Variants in CBLN2 observed in about 807,000 individuals in gnomAD.
CBLN2 encodes the protein cerebellin-2.
CBLN2 carries 7 observed loss-of-function variants against 15.0 expected under a neutral mutation model. That is an observed-to-expected ratio of 0.47 (90% CI 0.27 to 0.88). The LOEUF (loss-of-function observed/expected upper bound fraction) is 0.88, where lower values mean the gene tolerates loss of function less well. CBLN2 is among the 40% of genes least tolerant of loss of function. The pLI is 0.14. For missense variants in CBLN2, 242 were observed against 304.5 expected (o/e 0.79, Z 1.53); for synonymous variants, 149 against 135.2 (o/e 1.10, Z -0.71).
intron 1 of CBLN2, among the ~76,000 whole-genome samples, chr18:72,623,445 G>T (rs2069714306): frequency 1.3e-5 from 2 of 151,926 alleles, no homozygotes. Flanking sequence ...TCCTCCAAAT[G>T]ACCTTCTCCA....
At chr18:72,635,055 T>A (rs1335270820) in intron 1 of CBLN2, among the ~76,000 whole-genome samples, 1 of 152,134 alleles carries the variant, frequency 6.6e-6, no homozygotes, top group African/African-American at 2.4e-5. Flanking sequence ...GCAATGCCTT[T>A]ACTCATATTT....
chr18:72,579,104 A>G (rs1002252361), intron 1 of CBLN2, among the ~76,000 whole-genome samples: 1 of 152,188 alleles, frequency 6.6e-6, no homozygotes, highest in Non-Finnish European at 1.5e-5. Flanking sequence ...TTTGAGTAAG[A>G]GAAGCAAGAT....
intron 1 of CBLN2, among the ~76,000 whole-genome samples, chr18:72,637,666 G>A (rs2069823002): frequency 6.6e-6 from 1 of 152,176 alleles, no homozygotes; most frequent in Non-Finnish European, 1.5e-5. Flanking sequence ...TTCATTCAGT[G>A]AAATCAAAAT....
intron 2 of CBLN2, among the ~76,000 whole-genome samples, chr18:72,542,534 A>G (rs2069124362): frequency 6.7e-6 from 1 of 150,174 alleles, no homozygotes; most frequent in African/African-American, 2.5e-5. Flanking sequence ...AAGGCTCCCG[A>G]GCAGCGCGCG....
At chr18:72,587,707 G>T (rs1314150569) in intron 1 of CBLN2, among the ~76,000 whole-genome samples, 1 of 152,070 alleles carries the variant, frequency 6.6e-6, no homozygotes, top group Non-Finnish European at 1.5e-5. Flanking sequence ...AAATTATGTA[G>T]AACTGATAAT....
At chr18:72,618,219 G>T in intron 1 of CBLN2, 1 of 227,910 alleles carries the variant, frequency 4.4e-6, no homozygotes. Flanking sequence ...TTCTGCCCAT[G>T]GACGCTGCCA....
At chr18:72,593,128 A>G (rs996072848) in intron 1 of CBLN2, among the ~76,000 whole-genome samples, 17 of 152,096 alleles carry the variant, frequency 1.1e-4, no homozygotes, top group Non-Finnish European at 2.1e-4. Flanking sequence ...CGAATATGCA[A>G]TATCTTTTTC....
At chr18:72,625,721 TATATAC>T (rs56906149) in intron 1 of CBLN2, among the ~76,000 whole-genome samples, 27,612 of 72,920 alleles carry the variant, frequency 0.38, 3,540 homozygotes, top group Admixed American at 0.48. Context: ...TATATATATA[TATATAC>T]ACACTCTTGT....
Position 72,593,041 on chromosome 18 carries a change from T to C in CBLN2, c.15+45284A>G, listed in dbSNP as rs114140526. ...TTTCACGAAGAATGTCATTGGTATT[T>C]TGGCATGAATTGCATTGAATCTGTA... On this transcript the variant is annotated intron_variant, in intron 1 of 2. Coordinates refer to the CBLN2 transcript ENST00000581073. 2.8e-3 allele frequency among the ~76,000 whole-genome samples: 424 copies of C among 152,292 alleles called. 4 individuals are homozygous for C. The highest frequency in any genetic ancestry group is 9.9e-3 in the African/African-American group (410 of 41,568).
intron 1 of CBLN2, among the ~76,000 whole-genome samples, chr18:72,600,480 T>C (rs1272599827): frequency 6.6e-6 from 1 of 152,278 alleles, no homozygotes; most frequent in South Asian, 2.1e-4. Context: ...AGACTAAGTG[T>C]AGTTTGTTAG....
At chr18:72,618,028 A>T (rs2069674474) in intron 1 of CBLN2, among the ~76,000 whole-genome samples, 1 of 152,182 alleles carries the variant, frequency 6.6e-6, no homozygotes, top group African/African-American at 2.4e-5. Context: ...TAAACCGGTT[A>T]AGGTTTGATA....
At chr18:72,582,694 A>T (rs1345309906) in intron 1 of CBLN2, among the ~76,000 whole-genome samples, 1 of 152,140 alleles carries the variant, frequency 6.6e-6, no homozygotes, top group Non-Finnish European at 1.5e-5. Context: ...ACTGTTTAAG[A>T]GCAGGGGCCC....
chr18:72,538,530 A>C (rs1165243810), intron 4 of CBLN2, 123 bp downstream of exon 4: 2 of 1,464,514 alleles, frequency 1.4e-6, no homozygotes, highest in East Asian at 4.6e-5. Flanking sequence ...GTTCAGAGCC[A>C]CATCACCCCC....
At chr18:72,565,216 T>C (rs1023076877) in intron 1 of CBLN2, among the ~76,000 whole-genome samples, 1 of 152,160 alleles carries the variant, frequency 6.6e-6, no homozygotes, top group Admixed American at 6.5e-5. Context: ...CTGGTAGAGA[T>C]AAATTCATAG....
At chr18:72,566,815 G>T (rs759217071) in intron 1 of CBLN2, among the ~76,000 whole-genome samples, 28 of 151,976 alleles carry the variant, frequency 1.8e-4, no homozygotes, top group Admixed American at 3.3e-4. Flanking sequence ...AAAAAGAAAT[G>T]TTGTTGTTAT....
chr18:72,548,805 C>T (rs1012830712), upstream of CBLN2, among the ~76,000 whole-genome samples: 1 of 152,136 alleles, frequency 6.6e-6, no homozygotes, highest in Non-Finnish European at 1.5e-5. Flanking sequence ...GTCCTAGCTT[C>T]CTGCACCATA....
At chr18:72,591,190 T>A (rs2069477653) in intron 1 of CBLN2, among the ~76,000 whole-genome samples, 1 of 152,176 alleles carries the variant, frequency 6.6e-6, no homozygotes, top group Admixed American at 6.5e-5. Flanking sequence ...AGTCATAAGT[T>A]TTAAAACACT....
At chr18:72,559,677 T>C (rs2069247961) in intron 1 of CBLN2, among the ~76,000 whole-genome samples, 2 of 152,216 alleles carry the variant, frequency 1.3e-5, no homozygotes, top group African/African-American at 4.8e-5. Flanking sequence ...GCATTTAAAA[T>C]GAATTCACCG....
chr18:72,542,143 C>T lies in CBLN2; in HGVS notation c.18G>A (p.Arg6=). 1.5e-6 allele frequency: 2 copies of T among 1,318,336 alleles called. No individual in the cohort carries two copies. The highest frequency in any genetic ancestry group is 1.9e-6 in the Non-Finnish European group (2 of 1,041,882). The allele number at this position is 1,318,336 out of a possible 1,614,324, so 81.7% of individuals were successfully genotyped here. Residue 6 remains arginine (R), a synonymous_variant, in exon 3 of 5, where the codon CGG becomes CGA. Coordinates refer to ENST00000269503, the MANE Select transcript of CBLN2 (RefSeq NM_182511.4). MQAPG[R]GPLGLRLMMP... is the part of the protein sequence containing the mutation. ...TCATCAGCCGCAGCCCGAGTGGCCC[C>T]CGGCCGGGCGCCTGCATCGGGACTG...
Sources: gnomAD v4.1 joint callset for allele counts (sites outside exome capture counted in the v4.1 genomes callset) on GRCh38, gnomAD v4.1.1 for gene constraint, MANE v1.5 for transcripts, NCBI Gene and HGNC (gene_info 2026-07-23, HGNC 2026-07-21) for gene names.